Variants in FGFRL1 observed in about 807,000 individuals in gnomAD.
FGFRL1 encodes the protein fibroblast growth factor receptor-like 1.
In FGFRL1, 24 loss-of-function variants were observed where a neutral mutation model predicts 36.8. The ratio of observed to expected loss-of-function variants is 0.65; its 90% CI spans 0.47 to 0.92. FGFRL1 has a LOEUF of 0.92. FGFRL1 is among the 40% of genes least tolerant of loss of function. The pLI is 0.00. For synonymous variants in FGFRL1, 422 were observed against 344.1 expected (o/e 1.23, Z -2.50); for missense variants, 785 against 753.4 (o/e 1.04, Z -0.49).
intron 1 of FGFRL1, 62 bp from the exon 2 acceptor site, chr4:1,012,408 G>A: frequency 1.3e-6 from 2 of 1,557,006 alleles, no homozygotes; most frequent in South Asian, 2.3e-5. Context: ...CGCGGCCCGG[G>A]ACCGGGGAGG....
chr4:1,012,547 C>G lies in FGFRL1; in HGVS notation c.62C>G (p.Pro21Arg). ...LPPLLLGAFPPAAAARGPPKM... is the reference protein window; with the variant it reads ...LPPLLLGAFPRAAAARGPPKM... ...CCGCTGCTGCTGGGGGCCTTCCCGC[C>G]GGCCGCCGCCGCCCGAGGTGAGTTC... is the stretch of plus-strand genomic sequence containing the variant. Residue 21 changes from proline (P) to arginine (R), a missense_variant, in exon 2 of 7, where the codon CCG becomes CGG. Transcript: ENST00000510644. 6.8e-7 allele frequency: 1 copy of G among 1,468,270 alleles called. No individual in the cohort carries two copies. 91.0% of individuals were successfully genotyped at this position (1,468,270 alleles called of 1,614,324 possible).
In FGFRL1 at chr4:1,024,896, C is replaced by G; in HGVS notation, c.1073-9C>G. 1 of 1,581,852 alleles carries G rather than the reference C, an allele frequency of 6.3e-7. No individual in the cohort carries two copies. The highest frequency in any genetic ancestry group is 8.6e-7 in the Non-Finnish European group (1 of 1,168,180). On this transcript the variant is annotated splice_polypyrimidine_tract_variant and intron_variant, in intron 6 of 6. Transcript: ENST00000510644. ...CCCCTCCCTACCTCCTTTCCTCTCG[C>G]TCTTGCAGACCCAAAACCGCCAGGG...
intron 2 of FGFRL1, among the ~76,000 whole-genome samples, chr4:1,018,483 C>G (rs1375578296): frequency 6.6e-6 from 1 of 152,174 alleles, no homozygotes; most frequent in African/African-American, 2.4e-5. Flanking sequence ...TGTCTCGCTC[C>G]CATGTGGCCC....
In FGFRL1 at chr4:1,024,376, G is replaced by C. The variant is rs1420568856; in HGVS notation, c.784G>C (p.Gly262Arg). The C allele has an allele frequency of 6.2e-7, 1 of 1,612,326 alleles. No homozygotes were observed. Among genetic ancestry groups the C allele is most frequent in the Non-Finnish European group, 8.5e-7 (1 of 1,179,752 alleles). ...HPVNTTVDFGGTTSFQCKVRS... is the reference protein window; with the variant it reads ...HPVNTTVDFGRTTSFQCKVRS... The stretch of plus-strand genomic sequence containing the variant: ...CGTGAACACGACGGTGGACTTCGGG[G>C]GGACCACGTCCTTCCAGTGCAAGGT... Residue 262 changes from glycine (G) to arginine (R), a missense_variant, in exon 6 of 7, where the codon GGG (glycine) becomes CGG (arginine). Physicochemically the swap from Gly to Arg is moderately radical, Grantham distance 125 (BLOSUM62 -2). Coordinates refer to ENST00000510644, the MANE Select transcript of FGFRL1 (RefSeq NM_001004356.3).
chr4:1,024,125 C>A, intron 5 of FGFRL1, 24 bp downstream of exon 5: 1 of 963,634 alleles, frequency 1.0e-6, no homozygotes, highest in African/African-American at 1.9e-5. Context: ...CGGGCGCTGG[C>A]GGGCGGGGGG....
Position 1,023,292 on chromosome 4 carries a change from G to A in FGFRL1, c.353-349G>A, listed in dbSNP as rs143545282. ...GATGACCGGGTGGTATGAGAGTCTC[G>A]TCTGTTCACCAGCCCTCGGCCCCTT... On this transcript the variant is annotated intron_variant, in intron 3 of 6. Transcript: ENST00000510644. This position sits in a 1 kb window ranked among gnomAD's most constrained non-coding sequence, Gnocchi z 6.0. 6.6e-6 allele frequency among the ~76,000 whole-genome samples: 1 copy of A among 151,952 alleles called. No individual in the cohort carries two copies. Among genetic ancestry groups the A allele is most frequent in the Non-Finnish European group, 1.5e-5 (1 of 67,922 alleles).
At chr4:1,019,570 C>T (rs568617442) in intron 2 of FGFRL1, among the ~76,000 whole-genome samples, 23 of 152,260 alleles carry the variant, frequency 1.5e-4, no homozygotes, top group African/African-American at 5.3e-4. Context: ...GTCAGGAGGC[C>T]CCAGTGCTGT....
intron 2 of FGFRL1, among the ~76,000 whole-genome samples, chr4:1,015,069 GC>G (rs1227406954): frequency 1.3e-5 from 2 of 152,128 alleles, no homozygotes; most frequent in African/African-American, 4.8e-5. Context: ...CCCAGCCCTG[GC>G]TTGCCCAGCC....
intron 1 of FGFRL1, 75 bp downstream of exon 1, chr4:1,012,029 GGA>G (rs1337992879): frequency 4.2e-4 from 62 of 146,856 alleles, no homozygotes; most frequent in African/African-American, 1.4e-3. Context: ...GCGGGGGCGG[GGA>G]GGGGCGGGTT....
rs769826783 is a variant in FGFRL1 at position 1,024,895 on chromosome 4, G to A, written c.1073-10G>A. On this transcript the variant is annotated splice_polypyrimidine_tract_variant and intron_variant, in intron 6 of 6. Transcript: ENST00000510644. ...TCCCCTCCCTACCTCCTTTCCTCTCGCTCTTGCAGACCCAAAACCGCCAGG... is the reference window on the plus strand; with the variant it reads ...TCCCCTCCCTACCTCCTTTCCTCTCACTCTTGCAGACCCAAAACCGCCAGG... 15 of 1,579,156 alleles carry A rather than the reference G, an allele frequency of 9.5e-6. No homozygotes were observed. In the Admixed American group the frequency reaches 1.0e-4, roughly 11 times the overall value.
At chr4:1,018,266 C>T (rs780354899) in intron 2 of FGFRL1, among the ~76,000 whole-genome samples, 3 of 147,740 alleles carry the variant, frequency 2.0e-5, no homozygotes, top group Admixed American at 6.7e-5. Flanking sequence ...TGTGACAAAG[C>T]GTGTAGGCAG....
At chr4:1,012,601 C>T (rs1323738648) in intron 2 of FGFRL1, 37 bp downstream of exon 2, 4 of 981,342 alleles carry the variant, frequency 4.1e-6, no homozygotes, top group East Asian at 6.4e-5. Context: ...GCCTGGCCTC[C>T]GCCAGCGCCG....
chr4:1,022,103 G>C (rs578111158), intron 2 of FGFRL1, 100 bp from the exon 3 acceptor site: 1 of 928,740 alleles, frequency 1.1e-6, no homozygotes, highest in Admixed American at 3.2e-5. Flanking sequence ...TGGAGCTCAG[G>C]CCCGAGGTCT....
chr4:1,024,696 C>A, intron 6 of FGFRL1, 32 bp downstream of exon 6: 1 of 1,564,506 alleles, frequency 6.4e-7, no homozygotes, highest in Non-Finnish European at 8.7e-7. Flanking sequence ...CCACACCATG[C>A]TGGTGCCCGG....
intron 2 of FGFRL1, among the ~76,000 whole-genome samples, chr4:1,016,452 C>G (rs1346315285): frequency 6.6e-6 from 1 of 152,060 alleles, no homozygotes; most frequent in Admixed American, 6.5e-5. Flanking sequence ...AAGGTTCTCT[C>G]CAGGGCGTGG....
rs981300687 is a variant in FGFRL1, at chr4:1,023,607, C to G, written c.353-34C>G. Reference sequence around the variant, plus strand: ...GGGGAGCTCCTCAGGGCCCCCCTCACCTGCCCTCCCTGTGCACCTCCGTCT... The same window carrying G: ...GGGGAGCTCCTCAGGGCCCCCCTCAGCTGCCCTCCCTGTGCACCTCCGTCT... On this transcript the variant is annotated intron_variant, in intron 3 of 6. Transcript: ENST00000510644. This position sits in a 1 kb window ranked among gnomAD's most constrained non-coding sequence, Gnocchi z 6.0. 8 of 1,562,006 alleles carry G rather than the reference C, an allele frequency of 5.1e-6. No individual in the cohort carries two copies. Among genetic ancestry groups the G allele is most frequent in the Non-Finnish European group, 6.9e-6 (8 of 1,153,122 alleles).
Position 1,012,548 on chromosome 4 carries a change from G to A in FGFRL1, c.63G>A (p.Pro21=), listed in dbSNP as rs868087523. 2.3e-5 allele frequency: 33 copies of A among 1,465,578 alleles called. No homozygotes were observed. The highest frequency in any genetic ancestry group is 3.5e-4 in the Middle Eastern group (2 of 5,744). The allele number at this position is 1,465,578 out of a possible 1,614,324, so 90.8% of individuals were successfully genotyped here. Residue 21 remains proline (P), a synonymous_variant, in exon 2 of 7, where the codon CCG becomes CCA. Transcript: ENST00000510644. ...CGCTGCTGCTGGGGGCCTTCCCGCC[G>A]GCCGCCGCCGCCCGAGGTGAGTTCT... The part of the protein sequence containing the change: ...LPPLLLGAFP[P]AAAARGPPKM...
intron 2 of FGFRL1, among the ~76,000 whole-genome samples, chr4:1,014,760 G>T (rs1715797005): frequency 6.6e-6 from 1 of 152,246 alleles, no homozygotes; most frequent in Non-Finnish European, 1.5e-5. Flanking sequence ...GGCTGAGGTG[G>T]ACGTGTGGGA....
At position 1,025,591 on chromosome 4, in the gene FGFRL1, G is replaced by A. The variant is rs1018783607; in HGVS notation, c.*244G>A. On this transcript the variant is annotated 3_prime_UTR_variant, in exon 7 of 7. Transcript: ENST00000510644. ...CCTGAAGGCACACGTACGCACACACGCACATGCACAGATATGCCGCCTGGG... is the reference window on the plus strand; with the variant it reads ...CCTGAAGGCACACGTACGCACACACACACATGCACAGATATGCCGCCTGGG... 20 of 574,158 alleles carry A rather than the reference G, an allele frequency of 3.5e-5. No homozygotes were observed. Among genetic ancestry groups the A allele is most frequent in the East Asian group, 1.8e-4 (6 of 33,924 alleles). 35.6% of individuals were successfully genotyped at this position (574,158 alleles called of 1,614,324 possible). A position where few individuals can be genotyped will look rare whatever the true frequency, so the allele number is the denominator to read the frequency against.
Sources: gnomAD v4.1 joint callset for allele counts (sites outside exome capture counted in the v4.1 genomes callset) on GRCh38, gnomAD v4.1.1 for gene constraint, Gnocchi (gnomAD v3.1) non-coding constraint, MANE v1.5 for transcripts, NCBI Gene and HGNC (gene_info 2026-07-23, HGNC 2026-07-21) for gene names.